RNF150: variants seen among roughly 807,000 people sequenced by gnomAD.
The protein encoded by RNF150 is ring finger protein 150.
A neutral mutation model predicts 39.3 loss-of-function variants in RNF150; 24 were observed. The observed-to-expected ratio is 0.61, with a 90% CI of 0.44 to 0.86. The LOEUF is 0.86. Ranked by LOEUF, RNF150 falls within the 40% of genes least tolerant of loss-of-function variation. The pLI is 0.00. For missense variants in RNF150, 502 were observed against 587.8 expected, an observed-to-expected ratio of 0.85 and a Z score of 1.51; for synonymous variants, 255 against 227.3, an observed-to-expected ratio of 1.12 and a Z score of -1.10.
At chr4:140,970,184 T>C (rs955930046) in intron 1 of RNF150, among the ~76,000 whole-genome samples, 3 of 152,202 alleles carry the variant, frequency 2.0e-5, no homozygotes, top group African/African-American at 7.2e-5. Flanking sequence ...TCATCTAAAA[T>C]AGCTTCTCAA....
Position 140,868,140 on chromosome 4 carries a change from G to A in RNF150, c.*121C>T, listed in dbSNP as rs112597467. 2,466 of 661,366 alleles carry A rather than the reference G, an allele frequency of 3.7e-3. 8 individuals carry two copies. The highest frequency in any genetic ancestry group is 5.7e-3 in the Non-Finnish European group (2,084 of 365,082). 41.0% of individuals were successfully genotyped at this position (661,366 alleles called of 1,614,324 possible). On this transcript the variant is annotated 3_prime_UTR_variant, in exon 7 of 7. Coordinates refer to ENST00000515673, the MANE Select transcript of RNF150 (RefSeq NM_020724.2). ...TTGCTTTTCGTCAGCATTCTTGAAC[G>A]GAGCGCCCTGGAGTTGCCAAGGTGA... is the stretch of plus-strand genomic sequence containing the variant.
At chr4:140,878,848 C>T (rs768454426) in intron 6 of RNF150, among the ~76,000 whole-genome samples, 3 of 152,120 alleles carry the variant, frequency 2.0e-5, no homozygotes, top group Non-Finnish European at 2.9e-5. Flanking sequence ...TGAAGCTTTC[C>T]CCCTCCTGTT....
intron 1 of RNF150, among the ~76,000 whole-genome samples, chr4:141,114,591 C>G (rs1400408380): frequency 6.6e-6 from 1 of 152,140 alleles, no homozygotes; most frequent in Non-Finnish European, 1.5e-5. Flanking sequence ...AGAGCCGGTA[C>G]CATTCCTTCT....
chr4:141,195,363 T>A (rs1414981827), intron 1 of RNF150, among the ~76,000 whole-genome samples: 1 of 152,192 alleles, frequency 6.6e-6, no homozygotes, highest in African/African-American at 2.4e-5. Flanking sequence ...TGCTAATCCT[T>A]GATCTTGGTG....
chr4:140,876,417 C>G (rs1729157311), intron 6 of RNF150, among the ~76,000 whole-genome samples: 1 of 152,178 alleles, frequency 6.6e-6, no homozygotes, highest in Non-Finnish European at 1.5e-5. Context: ...CCTTTGAATT[C>G]TTTGCCTTAG....
intron 1 of RNF150, among the ~76,000 whole-genome samples, chr4:141,018,382 G>GT (rs1346665874): frequency 6.6e-6 from 1 of 152,092 alleles, no homozygotes; most frequent in East Asian, 1.9e-4. Flanking sequence ...ACACTATACA[G>GT]TGTCTAAATA....
intron 1 of RNF150, among the ~76,000 whole-genome samples, chr4:140,993,406 G>T (rs557949295): frequency 2.0e-5 from 3 of 152,116 alleles, no homozygotes; most frequent in Non-Finnish European, 4.4e-5. Context: ...CTCATCTCAA[G>T]ATCTCAACTT....
chr4:141,176,578 C>A (rs1220071712), intron 1 of RNF150, among the ~76,000 whole-genome samples: 1 of 152,162 alleles, frequency 6.6e-6, no homozygotes, highest in Middle Eastern at 3.2e-3. Context: ...CACCACACAA[C>A]TATGAATGAT....
At chr4:140,937,684 T>C (rs754134053) in intron 4 of RNF150, among the ~76,000 whole-genome samples, 2 of 151,596 alleles carry the variant, frequency 1.3e-5, no homozygotes, top group Non-Finnish European at 2.9e-5. Context: ...AATATTTATA[T>C]ATATATTATA....
At chr4:140,878,170 T>TTG (rs199987328) in intron 6 of RNF150, among the ~76,000 whole-genome samples, 6 of 145,442 alleles carry the variant, frequency 4.1e-5, no homozygotes, top group African/African-American at 1.3e-4. Context: ...TTGTGTTTTT[T>TTG]TTTTTTTTTT....
At chr4:140,921,340 C>A (rs565136255) in intron 5 of RNF150, among the ~76,000 whole-genome samples, 3,090 of 151,810 alleles carry the variant, frequency 0.02, 30 homozygotes, top group East Asian at 0.039. Context: ...CTATAAACAC[C>A]TCTACACGAA....
intron 4 of RNF150, among the ~76,000 whole-genome samples, chr4:140,939,830 A>G (rs1282729744): frequency 6.6e-6 from 1 of 152,202 alleles, no homozygotes; most frequent in Non-Finnish European, 1.5e-5. Context: ...TACCTACCTG[A>G]GAAACAGGCA....
intron 1 of RNF150, among the ~76,000 whole-genome samples, chr4:141,127,205 C>T (rs536291284): frequency 6.6e-6 from 1 of 152,266 alleles, no homozygotes; most frequent in South Asian, 2.1e-4. Flanking sequence ...TCAGTTTCCT[C>T]GTCTATCAAA....
intron 1 of RNF150, among the ~76,000 whole-genome samples, chr4:141,148,401 T>C (rs1260998702): frequency 6.6e-6 from 1 of 152,188 alleles, no homozygotes; most frequent in African/African-American, 2.4e-5. Flanking sequence ...TTTATTTCTG[T>C]CAGTAACTGC....
chr4:140,872,233 T>C (rs1728976149), intron 6 of RNF150, among the ~76,000 whole-genome samples: 1 of 152,224 alleles, frequency 6.6e-6, no homozygotes, highest in Non-Finnish European at 1.5e-5. Context: ...AAGTAGCTAT[T>C]AACAACATAA....
At chr4:140,923,294 T>G (rs1168321041) in intron 5 of RNF150, among the ~76,000 whole-genome samples, 1 of 151,878 alleles carries the variant, frequency 6.6e-6, no homozygotes, top group Non-Finnish European at 1.5e-5. Flanking sequence ...AACAACCCCA[T>G]CAAAAAGTGG....
At chr4:140,966,173 G>C (rs553502088) in intron 2 of RNF150, among the ~76,000 whole-genome samples, 1 of 151,724 alleles carries the variant, frequency 6.6e-6, no homozygotes, top group Non-Finnish European at 1.5e-5. Flanking sequence ...CACCTCTACT[G>C]AAAAAACAAA....
upstream of RNF150, among the ~76,000 whole-genome samples, chr4:141,134,469 A>T (rs1726991704): frequency 6.6e-6 from 1 of 152,192 alleles, no homozygotes; most frequent in South Asian, 2.1e-4. Flanking sequence ...ATTTAAATTT[A>T]AAAAATGAAA....
chr4:141,053,461 A>C (rs1441587811), intron 1 of RNF150, among the ~76,000 whole-genome samples: 1 of 152,222 alleles, frequency 6.6e-6, no homozygotes, highest in Non-Finnish European at 1.5e-5. Flanking sequence ...ATAATAGATT[A>C]TAAGGCAGGA....
Sources: gnomAD v4.1 joint callset for allele counts (sites outside exome capture counted in the v4.1 genomes callset) on GRCh38, gnomAD v4.1.1 for gene constraint, MANE v1.5 for transcripts, NCBI Gene and HGNC (gene_info 2026-07-23, HGNC 2026-07-21) for gene names.